Variants in GMFG observed in about 807,000 individuals in gnomAD.
GMFG encodes the protein glia maturation factor gamma.
A neutral mutation model predicts 26.1 loss-of-function variants in GMFG; 21 were observed. The ratio of observed to expected loss-of-function variants is 0.80; its 90% CI spans 0.57 to 1.16. The LOEUF is 1.16. Among genes scored for constraint, GMFG ranks in the 50% most tolerant of loss-of-function variants. The pLI is 0.00. For synonymous variants in GMFG, 65 were observed against 60.8 expected, an observed-to-expected ratio of 1.07 and a Z score of -0.32; for missense variants, 161 against 178.3, an observed-to-expected ratio of 0.90 and a Z score of 0.55.
intron 4 of GMFG, among the ~76,000 whole-genome samples, chr19:39,330,295 G>T (rs2075221229): frequency 9.8e-6 from 1 of 102,092 alleles, no homozygotes; most frequent in Admixed American, 8.6e-5. Context: ...TGAACCCCAG[G>T]TGCACTGTGA....
Position 39,335,526 on chromosome 19 carries a change from G to A in GMFG, c.9C>T (p.Asp3=), listed in dbSNP as rs751167969. ...GGTCTACCTCGCACACCACCAGGGAGTCAGACTGCCGGAGGGACCCAGGAA... is the reference window on the plus strand; with the variant it reads ...GGTCTACCTCGCACACCACCAGGGAATCAGACTGCCGGAGGGACCCAGGAA... MS[D]SLVVCEVDPE... Residue 3 remains aspartate (D), a synonymous_variant, in exon 2 of 7, where the codon GAC becomes GAT. Transcript: ENST00000597595. 2 of 1,611,136 alleles carry A rather than the reference G, an allele frequency of 1.2e-6. No individual in the cohort carries two copies. Among genetic ancestry groups the A allele is most frequent in the Admixed American group, 1.7e-5 (1 of 60,014 alleles).
At position 39,332,954 on chromosome 19, in the gene GMFG, C is replaced by G. The variant is rs768542738; in HGVS notation, c.200+123G>C. ...GATTACAGGGATGAGCCACCTCACT[C>G]GGCCAAACACAGAGATTCAAAGTCC... On this transcript the variant is annotated intron_variant, in intron 4 of 6. Coordinates refer to ENST00000597595, the MANE Select transcript of GMFG (RefSeq NM_004877.4). 33 of 616,534 alleles carry G rather than the reference C, an allele frequency of 5.4e-5. No individual in the cohort carries two copies. The African/African-American group carries it at 5.6e-4, about 10-fold the overall frequency. 38.2% of individuals were successfully genotyped at this position (616,534 alleles called of 1,614,324 possible).
intron 4 of GMFG, 119 bp downstream of exon 4, chr19:39,332,958 C>T: frequency 3.0e-6 from 2 of 665,532 alleles, no homozygotes; most frequent in Non-Finnish European, 5.3e-6. Flanking sequence ...CTCACTCGGC[C>T]AAACACAGAG....
chr19:39,329,487 A>AACAC (rs750946002), intron 5 of GMFG, 57 bp downstream of exon 5: 2 of 997,070 alleles, frequency 2.0e-6, no homozygotes, highest in African/African-American at 1.6e-5. Context: ...TTTACACACA[A>AACAC]ACACACACAC....
intron 4 of GMFG, among the ~76,000 whole-genome samples, 175 bp from the exon 5 acceptor site, chr19:39,329,801 C>T (rs535200279): frequency 1.1e-4 from 16 of 152,202 alleles, no homozygotes; most frequent in African/African-American, 1.9e-4. Flanking sequence ...ATCATAGGGC[C>T]GGGCGCAGGA....
chr19:39,333,185 C>T lies in GMFG; in HGVS notation c.151-59G>A, dbSNP rs1361664671. ...TGAGGCAGGGCGCAGTGGCTCACAC[C>T]TGTAATCCCAGCACTTTGGGAGGCC... On this transcript the variant is annotated intron_variant, in intron 3 of 6. Coordinates refer to ENST00000597595, the MANE Select transcript of GMFG (RefSeq NM_004877.4). 3.8e-6 allele frequency: 4 copies of T among 1,042,862 alleles called. No homozygotes were observed. In the South Asian group the frequency reaches 5.3e-5, roughly 14 times the overall value. The allele number at this position is 1,042,862 out of a possible 1,614,324, so 64.6% of individuals were successfully genotyped here.
chr19:39,335,536 C>T lies in GMFG; in HGVS notation c.4-5G>A, dbSNP rs376481253. On this transcript the variant is annotated splice_region_variant and splice_polypyrimidine_tract_variant and intron_variant, in intron 1 of 6. Coordinates refer to ENST00000597595, the MANE Select transcript of GMFG (RefSeq NM_004877.4). The stretch of plus-strand genomic sequence containing the variant: ...GCACACCACCAGGGAGTCAGACTGC[C>T]GGAGGGACCCAGGAAGAGCTGAAAT... The T allele has an allele frequency of 7.3e-5, 117 of 1,603,140 alleles. No homozygotes were observed. In the African/African-American group the frequency reaches 1.3e-3, roughly 18 times the overall value.
At position 39,328,988 on chromosome 19, in the gene GMFG, C is replaced by T. The variant is rs1351997628; in HGVS notation, c.357+12G>A. The T allele has an allele frequency of 1.3e-6, 2 of 1,596,354 alleles. No individual in the cohort carries two copies. The highest frequency in any genetic ancestry group is 1.3e-5 in the African/African-American group (1 of 74,624). ...TCTCCCTAACACTCTGGAGCCCCAT[C>T]CCAGTCTGAACCTTTGTGAGCTCTG... On this transcript the variant is annotated intron_variant, in intron 6 of 6. Transcript: ENST00000597595.
chr19:39,329,135 A>C, intron 5 of GMFG, 62 bp from the exon 6 acceptor site: 1 of 1,172,374 alleles, frequency 8.5e-7, no homozygotes, highest in Non-Finnish European at 1.3e-6. Flanking sequence ...CTAAAGCTCT[A>C]GTAATGTCCT....
chr19:39,328,368 T>C lies in GMFG; in HGVS notation c.*109A>G. ...GTCCAAACTGAGGATCTCCGAGTTT[T>C]TGCATTTTAAAATTTATTTAAAGTC... is the stretch of plus-strand genomic sequence containing the variant. On this transcript the variant is annotated 3_prime_UTR_variant, in exon 7 of 7. Transcript: ENST00000597595. The C allele has an allele frequency of 1.3e-6, 1 of 760,094 alleles. No individual in the cohort carries two copies. The highest frequency in any genetic ancestry group is 1.7e-5 in the African/African-American group (1 of 57,306). 47.1% of individuals were successfully genotyped at this position (760,094 alleles called of 1,614,324 possible). A position where few individuals can be genotyped will look rare whatever the true frequency, so the allele number is the denominator to read the frequency against.
chr19:39,335,858 G>A lies in GMFG; in HGVS notation c.3+116C>T. On this transcript the variant is annotated intron_variant, in intron 1 of 6. Transcript: ENST00000597595. ...CCAGCCGGGCTGTTCACCACAGTTG[G>A]GCCCCCTTCCCGGCCCGTGACCTCC... is the stretch of plus-strand genomic sequence containing the variant. The A allele has an allele frequency of 1.2e-5, 9 of 763,630 alleles. No homozygotes were observed. In the South Asian group the frequency reaches 1.3e-4, roughly 11 times the overall value. The allele number at this position is 763,630 out of a possible 1,614,324, so 47.3% of individuals were successfully genotyped here.
intron 4 of GMFG, among the ~76,000 whole-genome samples, chr19:39,330,351 T>C (rs949958144): frequency 6.6e-6 from 1 of 152,040 alleles, no homozygotes; most frequent in Non-Finnish European, 1.5e-5. Flanking sequence ...AAAATGAAAA[T>C]GTGGGGCATC....
intron 3 of GMFG, among the ~76,000 whole-genome samples, chr19:39,333,638 A>C (rs939281901): frequency 6.6e-6 from 1 of 151,974 alleles, no homozygotes; most frequent in East Asian, 1.9e-4. Context: ...ACCATGTGCC[A>C]AGGCATCGTT....
chr19:39,335,680 C>G (rs2075246739), intron 1 of GMFG, 149 bp from the exon 2 acceptor site: 2 of 674,450 alleles, frequency 3.0e-6, no homozygotes, highest in Non-Finnish European at 2.7e-6. Flanking sequence ...ACCCTTCCCA[C>G]AGAGTAGATA....
intron 3 of GMFG, among the ~76,000 whole-genome samples, chr19:39,334,694 C>T (rs2075241810): frequency 6.6e-6 from 1 of 152,120 alleles, no homozygotes; most frequent in Admixed American, 6.5e-5. Flanking sequence ...AAACCCATTA[C>T]AAGAATTAAA....
At chr19:39,334,583 A>G (rs1399994981) in intron 3 of GMFG, among the ~76,000 whole-genome samples, 1 of 151,710 alleles carries the variant, frequency 6.6e-6, no homozygotes, top group Non-Finnish European at 1.5e-5. Flanking sequence ...TTTAACTTAT[A>G]TGGAAACTCT....
At chr19:39,331,519 G>T (rs1334260463) in intron 4 of GMFG, among the ~76,000 whole-genome samples, 2 of 152,158 alleles carry the variant, frequency 1.3e-5, no homozygotes, top group Non-Finnish European at 2.9e-5. Flanking sequence ...AATCTTAGCA[G>T]ACCAGTTTTC....
intron 4 of GMFG, among the ~76,000 whole-genome samples, chr19:39,330,657 C>T (rs557585006): frequency 1.8e-4 from 27 of 149,926 alleles, no homozygotes; most frequent in Admixed American, 7.4e-4. Context: ...AGTACAGGGA[C>T]GTGGTCTCAG....
chr19:39,330,665 C>T (rs2075222827), intron 4 of GMFG, among the ~76,000 whole-genome samples: 1 of 150,526 alleles, frequency 6.6e-6, no homozygotes, highest in Non-Finnish European at 1.5e-5. Context: ...GACGTGGTCT[C>T]AGCTCATTGC....
Sources: gnomAD v4.1 joint callset for allele counts (sites outside exome capture counted in the v4.1 genomes callset) on GRCh38, gnomAD v4.1.1 for gene constraint, MANE v1.5 for transcripts, NCBI Gene and HGNC (gene_info 2026-07-23, HGNC 2026-07-21) for gene names.